ZNRF2: variants seen among roughly 807,000 people sequenced by gnomAD.
The protein encoded by ZNRF2 is zinc and ring finger 2, also known as E3 ubiquitin-protein ligase ZNRF2.
A neutral mutation model predicts 20.4 loss-of-function variants in ZNRF2; 16 were observed. The ratio of observed to expected loss-of-function variants is 0.79; its 90% CI spans 0.53 to 1.19. ZNRF2 has a LOEUF of 1.19. ZNRF2 is among the 50% of genes most tolerant of loss of function. ZNRF2 has a pLI of 0.00. For missense variants in ZNRF2, 363 were observed against 332.4 expected (o/e 1.09, Z -0.72); for synonymous variants, 178 against 144.9 (o/e 1.23, Z -1.64).
At chr7:30,354,381 G>T (rs755232409) in intron 2 of ZNRF2, among the ~76,000 whole-genome samples, 5 of 152,080 alleles carry the variant, frequency 3.3e-5, no homozygotes, top group Admixed American at 1.3e-4. Flanking sequence ...TCTGCAGAAG[G>T]TGCCCTGTTA....
chr7:30,312,727 T>A (rs1345586941), intron 1 of ZNRF2, among the ~76,000 whole-genome samples: 1 of 152,222 alleles, frequency 6.6e-6, no homozygotes, highest in African/African-American at 2.4e-5. Flanking sequence ...CTGTTTTTAT[T>A]TGAAAGTCCT....
At chr7:30,325,368 G>A (rs1039427081) in intron 2 of ZNRF2, among the ~76,000 whole-genome samples, 1 of 152,100 alleles carries the variant, frequency 6.6e-6, no homozygotes, top group East Asian at 1.9e-4. Context: ...AATTATGTGC[G>A]AGGTACTGTG....
intron 1 of ZNRF2, among the ~76,000 whole-genome samples, chr7:30,292,174 C>A (rs1442882645): frequency 6.6e-6 from 1 of 152,148 alleles, no homozygotes; most frequent in Non-Finnish European, 1.5e-5. Flanking sequence ...ACATTTTCCT[C>A]CAAGAATTGC....
intron 1 of ZNRF2, among the ~76,000 whole-genome samples, chr7:30,306,567 C>T (rs1799208952): frequency 1.3e-5 from 2 of 152,104 alleles, no homozygotes; most frequent in South Asian, 4.1e-4. Context: ...ACCACCTATT[C>T]CAGTCACTGA....
chr7:30,332,938 T>G (rs1488312179), intron 2 of ZNRF2, among the ~76,000 whole-genome samples: 5 of 152,172 alleles, frequency 3.3e-5, no homozygotes, highest in Non-Finnish European at 7.4e-5. Context: ...TGGTTTTAGT[T>G]TTTTGAGAGA....
chr7:30,334,871 T>G (rs1330423162), intron 2 of ZNRF2, among the ~76,000 whole-genome samples: 1 of 152,196 alleles, frequency 6.6e-6, no homozygotes, highest in East Asian at 1.9e-4. Flanking sequence ...ACAGACAGAT[T>G]GCTTACTAGG....
intron 3 of ZNRF2, among the ~76,000 whole-genome samples, chr7:30,356,435 A>T (rs57065509): frequency 0.022 from 3,357 of 152,310 alleles, 116 homozygotes; most frequent in African/African-American, 0.076. Flanking sequence ...ATATCCAAAT[A>T]TATCAGTTAT....
chr7:30,309,781 G>T (rs911778416), intron 1 of ZNRF2, among the ~76,000 whole-genome samples: 3 of 152,124 alleles, frequency 2.0e-5, no homozygotes, highest in African/African-American at 7.2e-5. Context: ...AAATTTTGCT[G>T]ATCAGGAAAG....
At chr7:30,319,099 G>T (rs542486781) in intron 1 of ZNRF2, among the ~76,000 whole-genome samples, 1 of 148,284 alleles carries the variant, frequency 6.7e-6, no homozygotes, top group South Asian at 2.1e-4. Flanking sequence ...GTGAAAGAGC[G>T]AAACTCCGTC....
chr7:30,293,538 C>T (rs576382138), intron 1 of ZNRF2, among the ~76,000 whole-genome samples: 8 of 152,054 alleles, frequency 5.3e-5, no homozygotes, highest in Non-Finnish European at 7.4e-5. Context: ...CCTGAGTGCC[C>T]GGCCAGTTCT....
At chr7:30,316,288 C>CAAAAAAAAAAAAAAAAAAAAA (rs60218988) in intron 1 of ZNRF2, among the ~76,000 whole-genome samples, 4 of 27,500 alleles carry the variant, frequency 1.5e-4, no homozygotes, top group African/African-American at 3.7e-4. Context: ...AACTCCATCT[C>CAAAAAAAAAAAAAAAAAAAAA]AAAAAAAAAA....
In ZNRF2 at chr7:30,285,079, T is replaced by C. The variant is rs1383991423; in HGVS notation, c.-279T>C. On this transcript the variant is annotated 5_prime_UTR_variant, in exon 1 of 5. Coordinates refer to ENST00000323037, the MANE Select transcript of ZNRF2 (RefSeq NM_147128.4). ...CACGGCCACTTGAGCCGCCCCTTCC[T>C]GCTGGAGCCAGCGAGGGGTGCCTGC... 1.7e-5 allele frequency: 7 copies of C among 411,536 alleles called. No homozygotes were observed. The highest frequency in any genetic ancestry group is 1.2e-4 in the South Asian group (7 of 60,316). The allele number at this position is 411,536 out of a possible 1,614,324, so 25.5% of individuals were successfully genotyped here.
chr7:30,365,494 AAG>A (rs1489624946), intron 4 of ZNRF2, among the ~76,000 whole-genome samples: 1 of 152,124 alleles, frequency 6.6e-6, no homozygotes, highest in East Asian at 1.9e-4. Flanking sequence ...AGTCATTTTT[AAG>A]AGTTTATAGA....
chr7:30,322,090 G>A (rs1021582862), intron 1 of ZNRF2, among the ~76,000 whole-genome samples: 2 of 151,822 alleles, frequency 1.3e-5, no homozygotes, highest in African/African-American at 4.8e-5. Context: ...TAGGCCATGC[G>A]TTGGACAAAC....
intron 1 of ZNRF2, among the ~76,000 whole-genome samples, chr7:30,290,262 G>A (rs1402277030): frequency 6.6e-6 from 1 of 152,180 alleles, no homozygotes; most frequent in Non-Finnish European, 1.5e-5. Context: ...AAATACCTTA[G>A]GTTCTGATTT....
intron 1 of ZNRF2, among the ~76,000 whole-genome samples, chr7:30,286,684 G>A (rs1798796291): frequency 6.6e-6 from 1 of 152,190 alleles, no homozygotes; most frequent in Non-Finnish European, 1.5e-5. Context: ...TATGTTTTAT[G>A]CTGATCTACT....
rs952268581 is a variant in ZNRF2, at chr7:30,285,380, C to T, written c.23C>T (p.Pro8Leu). ...GACATGGGCGCCAAACAGAGCGGCC[C>T]GGCCGCCGCTAACGGCCGCACGCGC... The part of the protein sequence containing the change: MGAKQSG[P>L]AAANGRTRAY... The change falls in exon 1 of 5, where the codon CCG becomes CTG. Residue 8 changes from proline to leucine, a missense_variant. Pro to Leu is a moderately conservative substitution (Grantham distance 98, BLOSUM62 -3). Coordinates refer to ENST00000323037, the MANE Select transcript of ZNRF2 (RefSeq NM_147128.4). 7.3e-6 allele frequency: 9 copies of T among 1,230,200 alleles called. No individual in the cohort carries two copies. In the African/African-American group the frequency reaches 9.8e-5, roughly 13 times the overall value. 76.2% of individuals were successfully genotyped at this position (1,230,200 alleles called of 1,614,324 possible). A position where few individuals can be genotyped will look rare whatever the true frequency, so the allele number is the denominator to read the frequency against.
rs750693861 is a variant in ZNRF2, at chr7:30,285,404, G to A, written c.47G>A (p.Arg16His). The A allele has an allele frequency of 6.3e-6, 8 of 1,262,508 alleles. No homozygotes were observed. The highest frequency in any genetic ancestry group is 1.5e-5 in the South Asian group (1 of 65,896). 78.2% of individuals were successfully genotyped at this position (1,262,508 alleles called of 1,614,324 possible). A position where few individuals can be genotyped will look rare whatever the true frequency, so the allele number is the denominator to read the frequency against. ...SGPAAANGRT[R>H]AYSGSDLPSS... ...CCGGCCGCCGCTAACGGCCGCACGCGCGCGTACTCGGGCTCGGATCTACCT... is the reference window on the plus strand; with the variant it reads ...CCGGCCGCCGCTAACGGCCGCACGCACGCGTACTCGGGCTCGGATCTACCT... The change falls in exon 1 of 5, where the codon CGC becomes CAC. Residue 16 changes from arginine (R) to histidine (H), a missense_variant. Arg to His is a conservative substitution (Grantham distance 29). Coordinates refer to ENST00000323037, the MANE Select transcript of ZNRF2 (RefSeq NM_147128.4).
chr7:30,308,822 C>G (rs992806227), intron 1 of ZNRF2, among the ~76,000 whole-genome samples: 1 of 151,918 alleles, frequency 6.6e-6, no homozygotes, highest in African/African-American at 2.4e-5. Flanking sequence ...TGAATTTTGG[C>G]TTTTCAGATT....
Sources: allele counts gnomAD v4.1 joint callset (sites outside exome capture counted in the v4.1 genomes callset), GRCh38; gene constraint gnomAD v4.1.1; transcripts MANE v1.5; gene names NCBI Gene and HGNC (gene_info 2026-07-23, HGNC 2026-07-21).